The following SLC22A23 variants were observed in gnomAD, a reference collection of about 807,000 sequenced individuals.
The protein encoded by SLC22A23 is solute carrier family 22 member 23.
Under a neutral mutation model 61.0 loss-of-function variants are expected in SLC22A23, and 26 were observed. The ratio of observed to expected loss-of-function variants is 0.43; its 90% CI spans 0.31 to 0.59. SLC22A23 has a LOEUF of 0.59. SLC22A23 is among the 20% of genes least tolerant of loss of function. The pLI, the probability that SLC22A23 is intolerant of heterozygous loss-of-function variation, is 0.11. For synonymous variants in SLC22A23, 430 were observed against 413.9 expected, an observed-to-expected ratio of 1.04 and a Z score of -0.47; for missense variants, 796 against 934.7, an observed-to-expected ratio of 0.85 and a Z score of 1.94.
intron 3 of SLC22A23, among the ~76,000 whole-genome samples, chr6:3,353,291 A>G (rs1764883999): frequency 6.6e-6 from 1 of 152,222 alleles, no homozygotes; most frequent in African/African-American, 2.4e-5. Flanking sequence ...AAAAAAAGGG[A>G]AACTCCGTCT....
At chr6:3,403,303 G>A (rs1052606192) in intron 3 of SLC22A23, among the ~76,000 whole-genome samples, 6 of 151,402 alleles carry the variant, frequency 4.0e-5, no homozygotes, top group Non-Finnish European at 7.4e-5. Context: ...ATTTTTTCTG[G>A]TCGACTCAGC....
intron 3 of SLC22A23, among the ~76,000 whole-genome samples, chr6:3,326,618 G>A (rs1428691015): frequency 1.3e-5 from 2 of 152,194 alleles, no homozygotes; most frequent in East Asian, 1.9e-4. Context: ...ATTTCAGCAG[G>A]TAGAAAAATG....
At position 3,390,877 on chromosome 6, in the gene SLC22A23, C is replaced by T. The variant is rs1438035746; in HGVS notation, c.913+19311G>A. 6.6e-6 allele frequency among the ~76,000 whole-genome samples: 1 copy of T among 152,218 alleles called. No homozygotes were observed. Among genetic ancestry groups the T allele is most frequent in the Non-Finnish European group, 1.5e-5 (1 of 68,048 alleles). On this transcript the variant is annotated intron_variant, in intron 3 of 9. Coordinates refer to ENST00000406686, the MANE Select transcript of SLC22A23 (RefSeq NM_015482.2). The surrounding 1 kb of genome is among the most constrained non-coding windows in gnomAD (Gnocchi z 4.0). ...AAGCTGGAGTTCTGCCCAGAAGCCGCACCCAGAGATCTGAGGGAACCATGA... is the reference window on the plus strand; with the variant it reads ...AAGCTGGAGTTCTGCCCAGAAGCCGTACCCAGAGATCTGAGGGAACCATGA...
chr6:3,439,083 G>T (rs1465133056), intron 1 of SLC22A23, among the ~76,000 whole-genome samples: 4 of 152,106 alleles, frequency 2.6e-5, no homozygotes, highest in Non-Finnish European at 5.9e-5. Flanking sequence ...ATCTGACCGG[G>T]GTTTCTCAAA....
chr6:3,294,285 A>G (rs772989042), intron 5 of SLC22A23, among the ~76,000 whole-genome samples: 5 of 149,232 alleles, frequency 3.4e-5, no homozygotes, highest in African/African-American at 5.2e-5. Flanking sequence ...AGCATTCGAC[A>G]TTCTACATTG....
intron 1 of SLC22A23, among the ~76,000 whole-genome samples, chr6:3,439,978 G>T (rs9328171): frequency 0.54 from 81,993 of 151,858 alleles, 22,463 homozygotes; most frequent in Middle Eastern, 0.75. Context: ...GGCAGAGACC[G>T]TGAAACCTAC....
At chr6:3,349,855 G>T (rs1205743404) in intron 3 of SLC22A23, among the ~76,000 whole-genome samples, 2 of 152,208 alleles carry the variant, frequency 1.3e-5, no homozygotes, top group African/African-American at 4.8e-5. Context: ...GTGGCTTATT[G>T]CTCCCATCGC....
chr6:3,380,833 G>A (rs758230676), intron 3 of SLC22A23, among the ~76,000 whole-genome samples: 71 of 152,134 alleles, frequency 4.7e-4, no homozygotes, highest in African/African-American at 1.6e-3. Context: ...TCATTGTCAC[G>A]TGGGGATGCA....
chr6:3,450,598 C>T (rs1772118083), intron 1 of SLC22A23, among the ~76,000 whole-genome samples: 1 of 152,226 alleles, frequency 6.6e-6, no homozygotes, highest in South Asian at 2.1e-4. Context: ...AGCCACTGTG[C>T]CCGGCCGTCA....
intron 1 of SLC22A23, among the ~76,000 whole-genome samples, chr6:3,419,885 G>T (rs1394709339): frequency 6.6e-6 from 1 of 152,146 alleles, no homozygotes; most frequent in African/African-American, 2.4e-5. Context: ...AAGCAGACAA[G>T]ATAAGGCCAA....
At chr6:3,383,447 A>G (rs1449717665) in intron 3 of SLC22A23, among the ~76,000 whole-genome samples, 1 of 152,248 alleles carries the variant, frequency 6.6e-6, no homozygotes, top group Non-Finnish European at 1.5e-5. Flanking sequence ...TATAGCTGAC[A>G]TATATCTTAT....
At chr6:3,314,652 T>C (rs911291064) in intron 4 of SLC22A23, among the ~76,000 whole-genome samples, 2 of 152,192 alleles carry the variant, frequency 1.3e-5, no homozygotes, top group African/African-American at 4.8e-5. Context: ...TATTTACATA[T>C]TGGAATTTTT....
At chr6:3,442,788 A>G (rs1771679876) in intron 1 of SLC22A23, among the ~76,000 whole-genome samples, 1 of 151,826 alleles carries the variant, frequency 6.6e-6, no homozygotes, top group Non-Finnish European at 1.5e-5. Flanking sequence ...AAATTACATA[A>G]AGGATTGACC....
intron 3 of SLC22A23, among the ~76,000 whole-genome samples, chr6:3,403,767 T>C (rs980003686): frequency 1.3e-5 from 2 of 152,246 alleles, no homozygotes; most frequent in African/African-American, 4.8e-5. Context: ...ATTCTAAAAC[T>C]GGAAGTTACG....
chr6:3,420,714 A>G (rs1442449402), intron 1 of SLC22A23, among the ~76,000 whole-genome samples: 2 of 152,248 alleles, frequency 1.3e-5, no homozygotes, highest in Non-Finnish European at 2.9e-5. Context: ...ACATATCAAT[A>G]TACACCAATA....
chr6:3,358,981 C>T (rs746669477), intron 3 of SLC22A23, among the ~76,000 whole-genome samples: 1 of 152,252 alleles, frequency 6.6e-6, no homozygotes, highest in East Asian at 1.9e-4. Flanking sequence ...TCCATGTCAG[C>T]GCCATGTCAG....
At chr6:3,283,641 G>A (rs763839761) in intron 9 of SLC22A23, 1 of 621,152 alleles carries the variant, frequency 1.6e-6, no homozygotes, top group Non-Finnish European at 2.8e-6. Flanking sequence ...TCCTGCTGCT[G>A]CCTGGACAGG....
intron 3 of SLC22A23, among the ~76,000 whole-genome samples, chr6:3,389,154 G>T (rs1767496949): frequency 6.6e-6 from 1 of 151,136 alleles, no homozygotes; most frequent in Admixed American, 6.6e-5. Flanking sequence ...TGAGATCCCA[G>T]CTACTCAGGA....
chr6:3,338,794 A>G (rs1015251527), intron 3 of SLC22A23, among the ~76,000 whole-genome samples: 7 of 152,280 alleles, frequency 4.6e-5, no homozygotes, highest in African/African-American at 1.7e-4. Flanking sequence ...ACAGAATTAA[A>G]CGTGGCAGCA....
Sources: gnomAD v4.1 joint callset for allele counts (sites outside exome capture counted in the v4.1 genomes callset) on GRCh38, gnomAD v4.1.1 for gene constraint, Gnocchi (gnomAD v3.1) non-coding constraint, MANE v1.5 for transcripts, NCBI Gene and HGNC (gene_info 2026-07-23, HGNC 2026-07-21) for gene names.